Variants in GRIK3 observed in about 807,000 individuals in gnomAD.
GRIK3 encodes the protein glutamate ionotropic receptor kainate type subunit 3.
In GRIK3, 29 loss-of-function variants were observed where a neutral mutation model predicts 102.5. The observed-to-expected ratio is 0.28, with a 90% confidence interval of 0.21 to 0.39. GRIK3 has a LOEUF of 0.39. Among genes scored for constraint, GRIK3 ranks in the 10% least tolerant of loss-of-function variants. GRIK3 has a pLI of 1.00. For synonymous variants in GRIK3, 511 were observed against 504.9 expected (o/e 1.01, Z -0.16); for missense variants, 908 against 1,252.4 (o/e 0.73, Z 4.15).
intron 1 of GRIK3, among the ~76,000 whole-genome samples, chr1:37,032,435 A>T (rs1042400938): frequency 6.6e-6 from 1 of 152,178 alleles, no homozygotes; most frequent in South Asian, 2.1e-4. Flanking sequence ...GCAGGCCCCC[A>T]AAAAAGCAGA....
intron 13 of GRIK3, among the ~76,000 whole-genome samples, chr1:36,813,841 A>T (rs1436786088): frequency 6.6e-6 from 1 of 152,186 alleles, no homozygotes; most frequent in Non-Finnish European, 1.5e-5. Flanking sequence ...AATATGTAAC[A>T]GTCCCATTGC....
At chr1:36,823,334 TGTG>T (rs1430164004) in intron 11 of GRIK3, among the ~76,000 whole-genome samples, 1 of 150,880 alleles carries the variant, frequency 6.6e-6, no homozygotes, top group African/African-American at 2.4e-5. Context: ...ATTAGCCGGG[TGTG>T]GTGGTGGGCA....
intron 1 of GRIK3, among the ~76,000 whole-genome samples, chr1:36,998,340 C>A (rs552873355): frequency 2.6e-5 from 4 of 152,200 alleles, no homozygotes; most frequent in African/African-American, 9.6e-5. Context: ...CTCCCCAACA[C>A]CCTGTCTCAT....
At chr1:36,890,479 G>A (rs1426598934) in intron 2 of GRIK3, among the ~76,000 whole-genome samples, 1 of 151,012 alleles carries the variant, frequency 6.6e-6, no homozygotes, top group East Asian at 1.9e-4. Flanking sequence ...AAAAAAAAAT[G>A]TCAGCAGTAA....
intron 1 of GRIK3, among the ~76,000 whole-genome samples, chr1:36,939,451 G>T (rs1387693628): frequency 3.3e-5 from 5 of 152,242 alleles, no homozygotes; most frequent in African/African-American, 1.2e-4. Context: ...CTTAGAAGAG[G>T]TGGGACTAGA....
chr1:36,946,982 CA>C (rs1294087726), intron 1 of GRIK3, among the ~76,000 whole-genome samples: 1 of 152,048 alleles, frequency 6.6e-6, no homozygotes, highest in Non-Finnish European at 1.5e-5. Flanking sequence ...GAGATGAAAG[CA>C]GAGGAGAAGC....
chr1:36,832,754 C>T (rs1245746576), intron 10 of GRIK3, among the ~76,000 whole-genome samples: 5 of 152,320 alleles, frequency 3.3e-5, no homozygotes, highest in South Asian at 4.1e-4. Flanking sequence ...GCTTCATAGA[C>T]CCCATAGGGG....
intron 1 of GRIK3, among the ~76,000 whole-genome samples, chr1:36,933,039 A>G (rs966898296): frequency 8.5e-5 from 13 of 152,328 alleles, no homozygotes; most frequent in Admixed American, 5.9e-4. Flanking sequence ...CACGTTTACC[A>G]TTCATTCTGC....
Position 36,962,507 on chromosome 1 carries a change from G to T in GRIK3, c.116-71411C>A, listed in dbSNP as rs111943638. ...GGGAAGGAGACAGGAAAGGGACTGA[G>T]GGCCAAGAAACCCAGAAGACCTGGA... On this transcript the variant is annotated intron_variant, in intron 1 of 15. Transcript: ENST00000373091. 6.6e-3 allele frequency among the ~76,000 whole-genome samples: 1,007 copies of T among 152,058 alleles called. 7 individuals are homozygous for T. The highest frequency in any genetic ancestry group is 9.6e-3 in the Non-Finnish European group (651 of 67,998).
chr1:36,999,901 G>A (rs1642457069), intron 1 of GRIK3, among the ~76,000 whole-genome samples: 1 of 152,150 alleles, frequency 6.6e-6, no homozygotes, highest in African/African-American at 2.4e-5. Context: ...GGAGGCTGAG[G>A]CAGGAGAATC....
chr1:36,844,872 C>T (rs572284), intron 9 of GRIK3, among the ~76,000 whole-genome samples: 31,120 of 151,924 alleles, frequency 0.2, 3,940 homozygotes, highest in African/African-American at 0.37. Context: ...TGGTTGATAG[C>T]GGAAAACCAT....
intron 1 of GRIK3, among the ~76,000 whole-genome samples, chr1:36,936,562 A>G (rs1247801114): frequency 6.6e-6 from 1 of 152,210 alleles, no homozygotes; most frequent in Non-Finnish European, 1.5e-5. Context: ...TACATAAAAT[A>G]GCACTGTCTG....
chr1:36,889,026 G>A (rs571552649), intron 2 of GRIK3, among the ~76,000 whole-genome samples: 2 of 152,042 alleles, frequency 1.3e-5, no homozygotes, highest in East Asian at 3.9e-4. Context: ...TGCCTCCTGC[G>A]TGCCAGGCCC....
Position 36,964,365 on chromosome 1 carries a change from G to T in GRIK3, c.115+69629C>A, listed in dbSNP as rs1216605262. ...CTACTGCAGCTGGCAAACTCCCCAA[G>T]GGGAGGAAATCAGACCATGAGGCTC... On this transcript the variant is annotated intron_variant, in intron 1 of 15. Coordinates refer to ENST00000373091, the MANE Select transcript of GRIK3 (RefSeq NM_000831.4). 4.6e-5 allele frequency among the ~76,000 whole-genome samples: 7 copies of T among 152,300 alleles called. No individual in the cohort carries two copies. The East Asian group carries it at 1.2e-3, about 25-fold the overall frequency.
chr1:36,898,452 A>G (rs1380381998), intron 1 of GRIK3, among the ~76,000 whole-genome samples: 5 of 152,184 alleles, frequency 3.3e-5, no homozygotes. Context: ...CCTCATAAAT[A>G]TATACATCTA....
intron 1 of GRIK3, among the ~76,000 whole-genome samples, chr1:36,973,335 C>A (rs1381393743): frequency 2.0e-5 from 3 of 152,034 alleles, no homozygotes; most frequent in Non-Finnish European, 4.4e-5. Flanking sequence ...CTGTTTCTTC[C>A]ACCAAAAACA....
chr1:36,900,852 T>A (rs537967112), intron 1 of GRIK3, among the ~76,000 whole-genome samples: 48 of 152,154 alleles, frequency 3.2e-4, no homozygotes, highest in Non-Finnish European at 6.0e-4. Context: ...ATTGTTAGTA[T>A]CAGAAGTGAA....
intron 1 of GRIK3, among the ~76,000 whole-genome samples, chr1:36,920,960 T>C (rs766719380): frequency 1.3e-5 from 2 of 152,190 alleles, no homozygotes; most frequent in Non-Finnish European, 2.9e-5. Flanking sequence ...GCTGTTAGGA[T>C]TCTGGAGGAG....
At chr1:37,025,468 C>G (rs1287537517) in intron 1 of GRIK3, among the ~76,000 whole-genome samples, 1 of 152,198 alleles carries the variant, frequency 6.6e-6, no homozygotes, top group Non-Finnish European at 1.5e-5. Context: ...GAACCAGAGG[C>G]CTAGAATGAC....
Sources: gnomAD v4.1 joint callset for allele counts (sites outside exome capture counted in the v4.1 genomes callset) on GRCh38, gnomAD v4.1.1 for gene constraint, MANE v1.5 for transcripts, NCBI Gene and HGNC (gene_info 2026-07-23, HGNC 2026-07-21) for gene names.